The following MMP16 variants were observed in gnomAD, a reference collection of about 807,000 sequenced individuals.
MMP16 encodes the protein matrix metalloproteinase-16.
A neutral mutation model predicts 67.8 loss-of-function variants in MMP16; 12 were observed. That is an observed-to-expected ratio of 0.18 (90% confidence interval 0.11 to 0.29). The LOEUF (loss-of-function observed/expected upper bound fraction) is 0.29, where lower values mean the gene tolerates loss of function less well. Ranked by LOEUF, MMP16 falls within the 10% of genes least tolerant of loss-of-function variation. The pLI, the probability that MMP16 is intolerant of heterozygous loss-of-function variation, is 1.00. For missense variants in MMP16, 475 were observed against 765.7 expected (o/e 0.62, Z 4.48); for synonymous variants, 249 against 255.9 (o/e 0.97, Z 0.26).
intron 6 of MMP16, among the ~76,000 whole-genome samples, chr8:88,111,627 T>C (rs571868484): frequency 1.3e-5 from 2 of 151,874 alleles, no homozygotes; most frequent in East Asian, 3.9e-4. Flanking sequence ...AAGTCAGTTA[T>C]TGAAGAGTTT....
chr8:88,243,689 T>C (rs1307312324), intron 1 of MMP16, among the ~76,000 whole-genome samples: 1 of 152,168 alleles, frequency 6.6e-6, no homozygotes, highest in African/African-American at 2.4e-5. Flanking sequence ...ACGTTAATCG[T>C]TGGAAGAAGG....
chr8:88,228,196 T>C (rs996089745), intron 1 of MMP16, among the ~76,000 whole-genome samples: 1 of 152,086 alleles, frequency 6.6e-6, no homozygotes, highest in Non-Finnish European at 1.5e-5. Flanking sequence ...CAAACCATTC[T>C]GGAAAAAATT....
intron 6 of MMP16, among the ~76,000 whole-genome samples, chr8:88,115,395 C>T (rs1299563018): frequency 1.3e-5 from 2 of 151,914 alleles, no homozygotes; most frequent in African/African-American, 2.4e-5. Flanking sequence ...TATCAAATTA[C>T]GTATTGCAGG....
intron 1 of MMP16, among the ~76,000 whole-genome samples, chr8:88,249,825 A>G (rs1810178514): frequency 6.6e-6 from 1 of 152,106 alleles, no homozygotes. Flanking sequence ...CACAGAAGGA[A>G]CTGTGTCCAA....
chr8:88,074,349 CT>C (rs970199055), intron 7 of MMP16, among the ~76,000 whole-genome samples: 15 of 151,956 alleles, frequency 9.9e-5, no homozygotes, highest in East Asian at 7.7e-4. Flanking sequence ...ATCTATTAAT[CT>C]TTTTTTTAGT....
chr8:88,068,123 T>A (rs534497588), intron 7 of MMP16, among the ~76,000 whole-genome samples: 1 of 152,296 alleles, frequency 6.6e-6, no homozygotes, highest in African/African-American at 2.4e-5. Context: ...TGTGTAGTGG[T>A]ATTTCATTGT....
intron 6 of MMP16, among the ~76,000 whole-genome samples, chr8:88,111,338 C>T (rs1170551500): frequency 6.6e-6 from 1 of 151,688 alleles, no homozygotes; most frequent in Non-Finnish European, 1.5e-5. Flanking sequence ...TGTGAAACGA[C>T]AGTCTGGACA....
intron 1 of MMP16, among the ~76,000 whole-genome samples, chr8:88,325,614 G>A (rs1811523702): frequency 6.6e-6 from 1 of 152,074 alleles, no homozygotes. Context: ...ATCCATCTGT[G>A]GCACGTAATT....
chr8:88,241,232 A>G (rs1052341531), intron 1 of MMP16, among the ~76,000 whole-genome samples: 1 of 152,116 alleles, frequency 6.6e-6, no homozygotes, highest in Non-Finnish European at 1.5e-5. Flanking sequence ...CATTCTGTGT[A>G]AATATTTCAG....
chr8:88,290,450 G>A (rs986953149), intron 1 of MMP16, among the ~76,000 whole-genome samples: 1 of 152,104 alleles, frequency 6.6e-6, no homozygotes, highest in African/African-American at 2.4e-5. Flanking sequence ...CTATTCAGGA[G>A]GCTGAGGCAG....
At position 88,041,526 on chromosome 8, in the gene MMP16, A is replaced by G; in HGVS notation, c.1759T>C (p.Phe587Leu). The G allele has an allele frequency of 6.2e-7, 1 of 1,614,142 alleles. No individual in the cohort carries two copies. The highest frequency in any genetic ancestry group is 8.5e-7 in the Non-Finnish European group (1 of 1,180,002). ...LLVLVYTVFQ[F>L]KRKGTPRHIL... ...TGGCGGGGTGTTCCTTTCCTCTTGA[A>G]CTGGAACACAGTGTAAACCAATACA... is the stretch of plus-strand genomic sequence containing the variant. The change falls in exon 10 of 10, where the codon TTC (phenylalanine) becomes CTC (leucine). Residue 587 changes from phenylalanine to leucine, a missense_variant. Around this residue, in one of 5 missense-constraint regions of MMP16, gnomAD observed 80 missense variants for 93.4 expected, o/e 0.86. Transcript: ENST00000286614. The surrounding 1 kb of genome is among the most constrained non-coding windows in gnomAD (Gnocchi z 6.0).
At chr8:88,163,121 G>T (rs1032997522) in intron 4 of MMP16, among the ~76,000 whole-genome samples, 1 of 152,040 alleles carries the variant, frequency 6.6e-6, no homozygotes, top group African/African-American at 2.4e-5. Flanking sequence ...CCTGCTGAAG[G>T]CTTAGGTTTA....
intron 4 of MMP16, among the ~76,000 whole-genome samples, chr8:88,165,351 T>C (rs1252770300): frequency 6.6e-6 from 1 of 151,786 alleles, no homozygotes; most frequent in Non-Finnish European, 1.5e-5. Flanking sequence ...ATTTAAGAGG[T>C]CACAAAGCCA....
chr8:88,225,296 T>A (rs1214907351), intron 1 of MMP16, among the ~76,000 whole-genome samples: 1 of 152,042 alleles, frequency 6.6e-6, no homozygotes, highest in African/African-American at 2.4e-5. Flanking sequence ...AATGTTTCTA[T>A]GACACATTAA....
At chr8:88,211,617 T>TA (rs754736810) in intron 1 of MMP16, among the ~76,000 whole-genome samples, 66 of 152,228 alleles carry the variant, frequency 4.3e-4, no homozygotes, top group Admixed American at 8.5e-4. Context: ...CCTGAGTTTA[T>TA]AAAAAAGTTC....
chr8:88,190,506 A>AAATAC (rs1298681554), intron 2 of MMP16, among the ~76,000 whole-genome samples: 1 of 152,218 alleles, frequency 6.6e-6, no homozygotes, highest in East Asian at 1.9e-4. Context: ...GTCTAACATT[A>AAATAC]AATACAAAAC....
intron 1 of MMP16, among the ~76,000 whole-genome samples, chr8:88,215,210 A>C (rs999778643): frequency 6.6e-6 from 1 of 151,926 alleles, no homozygotes; most frequent in Non-Finnish European, 1.5e-5. Context: ...GGCACCTGTA[A>C]TCCCAGCTAC....
At chr8:88,134,838 C>A (rs1808091782) in intron 4 of MMP16, among the ~76,000 whole-genome samples, 1 of 151,468 alleles carries the variant, frequency 6.6e-6, no homozygotes, top group African/African-American at 2.4e-5. Flanking sequence ...TCTGATGCCA[C>A]TGATATATGT....
chr8:88,196,511 G>A (rs1809259799), intron 2 of MMP16, among the ~76,000 whole-genome samples: 1 of 151,984 alleles, frequency 6.6e-6, no homozygotes, highest in African/African-American at 2.4e-5. Context: ...ACCCAATAAA[G>A]AGCTGAATAA....
Sources: allele counts gnomAD v4.1 joint callset (sites outside exome capture counted in the v4.1 genomes callset), GRCh38; gene constraint gnomAD v4.1.1; regional missense constraint gnomAD v4.1.1; non-coding constraint Gnocchi (gnomAD v3.1); transcripts MANE v1.5; gene names NCBI Gene and HGNC (gene_info 2026-07-23, HGNC 2026-07-21).